Variants in APBA1 observed in about 807,000 individuals in gnomAD.
The protein encoded by APBA1 is amyloid beta precursor protein binding family A member 1, also known as amyloid-beta A4 precursor protein-binding family A member 1.
Under a neutral mutation model 86.6 loss-of-function variants are expected in APBA1, and 55 were observed. The ratio of observed to expected loss-of-function variants is 0.64; its 90% CI spans 0.51 to 0.80. The LOEUF (loss-of-function observed/expected upper bound fraction) is 0.80. Among genes scored for constraint, APBA1 ranks in the 30% least tolerant of loss-of-function variants. The pLI is 0.00. For synonymous variants in APBA1, 511 were observed against 493.9 expected, an observed-to-expected ratio of 1.03 and a Z score of -0.46; for missense variants, 1,090 against 1,183.0, an observed-to-expected ratio of 0.92 and a Z score of 1.15.
chr9:69,447,263 T>C (rs1445494580), intron 10 of APBA1, among the ~76,000 whole-genome samples: 9 of 152,080 alleles, frequency 5.9e-5, no homozygotes, highest in Non-Finnish European at 1.3e-4. Flanking sequence ...ACTCAATACT[T>C]TACTTAACCC....
In APBA1 at chr9:69,450,823, C is replaced by CA. The variant is rs925796696; in HGVS notation, c.1969-1028dup. The stretch of plus-strand genomic sequence containing the variant: ...AGGAATGGTTGTCTGTCATGGGTAT[C>CA]AAAAAAAAAAAGAGGAAATTTGGAC... On this transcript the variant is annotated intron_variant, in intron 9 of 12. Transcript: ENST00000265381. 7.8e-3 allele frequency among the ~76,000 whole-genome samples: 1,093 copies of CA among 140,924 alleles called. 4 individuals are homozygous for CA. Among genetic ancestry groups the CA allele is most frequent in the African/African-American group, 0.024 (935 of 38,600 alleles). 92.5% of individuals were successfully genotyped at this position (140,924 alleles called of 152,430 possible).
chr9:69,457,780 G>A (rs1413118720), intron 6 of APBA1, among the ~76,000 whole-genome samples: 1 of 152,144 alleles, frequency 6.6e-6, no homozygotes, highest in African/African-American at 2.4e-5. Flanking sequence ...GTGGTTATTA[G>A]CGAGTTTTCT....
chr9:69,634,233 G>C (rs1405130028), intron 1 of APBA1, among the ~76,000 whole-genome samples: 1 of 152,156 alleles, frequency 6.6e-6, no homozygotes, highest in Non-Finnish European at 1.5e-5. Context: ...TTAGGAGAGG[G>C]AGAACACAGT....
intron 2 of APBA1, among the ~76,000 whole-genome samples, chr9:69,499,271 C>G (rs1670339824): frequency 6.6e-6 from 1 of 152,072 alleles, no homozygotes; most frequent in South Asian, 2.1e-4. Flanking sequence ...TAGAACCACC[C>G]TTCTTCCCTT....
At chr9:69,547,735 G>A (rs1836720849) in intron 1 of APBA1, among the ~76,000 whole-genome samples, 1 of 152,184 alleles carries the variant, frequency 6.6e-6, no homozygotes, top group African/African-American at 2.4e-5. Flanking sequence ...CCACTGCCTT[G>A]GCCAGTGCCA....
rs1015463210 is a variant in APBA1 at position 69,510,275 on chromosome 9, T to C, written c.1200+5736A>G. On this transcript the variant is annotated intron_variant, in intron 2 of 12. Transcript: ENST00000265381. ...AATCACAAGCATTCTTATACACCAA[T>C]AACAGACAAACAGAGAGCCAAATCA... 8.3e-3 allele frequency among the ~76,000 whole-genome samples: 1,255 copies of C among 151,778 alleles called. 6 individuals carry two copies. The highest frequency in any genetic ancestry group is 0.012 in the Non-Finnish European group (805 of 67,940).
At chr9:69,640,970 G>GAA (rs1554708733) in intron 1 of APBA1, among the ~76,000 whole-genome samples, 2 of 150,912 alleles carry the variant, frequency 1.3e-5, no homozygotes, top group East Asian at 1.9e-4. Context: ...GAGAGAGAGA[G>GAA]AGAAAGAAAG....
chr9:69,490,957 A>G (rs77055166), intron 2 of APBA1, among the ~76,000 whole-genome samples: 1 of 151,884 alleles, frequency 6.6e-6, no homozygotes, highest in African/African-American at 2.4e-5. Context: ...AGGAAACAAC[A>G]GGTGCTAGAG....
intron 2 of APBA1, among the ~76,000 whole-genome samples, chr9:69,514,904 C>CACAAA (rs1003614884): frequency 8.5e-5 from 13 of 152,082 alleles, no homozygotes; most frequent in Non-Finnish European, 1.2e-4. Flanking sequence ...AAGACTCCGT[C>CACAAA]ACAAAACAAA....
At chr9:69,659,499 T>C (rs1158126195) in intron 1 of APBA1, among the ~76,000 whole-genome samples, 2 of 152,160 alleles carry the variant, frequency 1.3e-5, no homozygotes, top group East Asian at 1.9e-4. Context: ...CATGCAGTCC[T>C]CTCTAAGCCT....
At chr9:69,650,906 T>C (rs1455891567) in intron 1 of APBA1, among the ~76,000 whole-genome samples, 1 of 152,182 alleles carries the variant, frequency 6.6e-6, no homozygotes, top group Admixed American at 6.5e-5. Context: ...TATGACGAAA[T>C]AGTTTCACTC....
At chr9:69,447,526 T>C (rs558665259) in intron 10 of APBA1, among the ~76,000 whole-genome samples, 1 of 152,288 alleles carries the variant, frequency 6.6e-6, no homozygotes, top group South Asian at 2.1e-4. Context: ...CAGCACCTTC[T>C]CCTCCGTGAC....
At chr9:69,446,752 T>C (rs1235057018) in intron 10 of APBA1, among the ~76,000 whole-genome samples, 1 of 152,164 alleles carries the variant, frequency 6.6e-6, no homozygotes, top group African/African-American at 2.4e-5. Context: ...TTAGAGTCTC[T>C]GATGGCCCAT....
intron 1 of APBA1, among the ~76,000 whole-genome samples, chr9:69,533,674 G>A (rs780543487): frequency 6.6e-5 from 10 of 152,184 alleles, no homozygotes; most frequent in Non-Finnish European, 1.2e-4. Flanking sequence ...GACTCTAAGA[G>A]TTGTTATACT....
intron 1 of APBA1, among the ~76,000 whole-genome samples, chr9:69,523,521 A>G (rs1193934609): frequency 1.1e-3 from 70 of 64,102 alleles, no homozygotes; most frequent in African/African-American, 2.2e-3. Flanking sequence ...ATATATATAT[A>G]TATATATATA....
chr9:69,489,102 A>T (rs1835659545), intron 2 of APBA1, among the ~76,000 whole-genome samples: 1 of 152,104 alleles, frequency 6.6e-6, no homozygotes. Flanking sequence ...GCTACCAATG[A>T]CTTTCTTCAC....
intron 1 of APBA1, among the ~76,000 whole-genome samples, chr9:69,662,774 G>A (rs560019475): frequency 7.9e-5 from 12 of 152,280 alleles, no homozygotes; most frequent in South Asian, 4.1e-4. Context: ...GGAAAGAATC[G>A]TGAGGAACCA....
intron 9 of APBA1, 104 bp downstream of exon 9, chr9:69,452,018 C>T: frequency 9.2e-7 from 1 of 1,092,660 alleles, no homozygotes; most frequent in Non-Finnish European, 1.4e-6. Flanking sequence ...CAATACGGCA[C>T]TCCTCACCAT....
intron 2 of APBA1, among the ~76,000 whole-genome samples, chr9:69,490,005 G>C (rs1835677676): frequency 6.6e-6 from 1 of 152,002 alleles, no homozygotes; most frequent in South Asian, 2.1e-4. Context: ...AAATCATGCT[G>C]CTATAAAGAC....
Sources: allele counts gnomAD v4.1 joint callset (sites outside exome capture counted in the v4.1 genomes callset), GRCh38; gene constraint gnomAD v4.1.1; transcripts MANE v1.5; gene names NCBI Gene and HGNC (gene_info 2026-07-23, HGNC 2026-07-21).